DNAAF9: variants seen among roughly 807,000 people sequenced by gnomAD.
The protein encoded by DNAAF9 is dynein axonemal assembly factor 9, also known as shulin.
Under a neutral mutation model 167.0 loss-of-function variants are expected in DNAAF9, and 90 were observed. The ratio of observed to expected loss-of-function variants is 0.54; its 90% CI spans 0.45 to 0.64. The LOEUF (loss-of-function observed/expected upper bound fraction) is 0.64. Among genes scored for constraint, DNAAF9 ranks in the 30% least tolerant of loss-of-function variants. DNAAF9 has a pLI of 0.00. For missense variants in DNAAF9, 1,315 were observed against 1,442.2 expected (o/e 0.91, Z 1.43); for synonymous variants, 491 against 508.8 (o/e 0.96, Z 0.47).
chr20:3,272,804 A>T (rs575271998), intron 29 of DNAAF9, among the ~76,000 whole-genome samples: 102 of 152,026 alleles, frequency 6.7e-4, no homozygotes, highest in Non-Finnish European at 1.2e-3. Flanking sequence ...ACTAATAGAG[A>T]GTAGTTTAAT....
intron 1 of DNAAF9, among the ~76,000 whole-genome samples, chr20:3,390,563 C>T (rs2083812891): frequency 6.6e-6 from 1 of 152,080 alleles, no homozygotes; most frequent in Non-Finnish European, 1.5e-5. Flanking sequence ...CAGGGTTTCA[C>T]CATGTTGGCC....
chr20:3,402,592 T>TC (rs2084003155), intron 1 of DNAAF9, among the ~76,000 whole-genome samples: 2 of 151,900 alleles, frequency 1.3e-5, no homozygotes, highest in Admixed American at 1.3e-4. Flanking sequence ...TTTTTTTTTT[T>TC]CTTGACACAG....
chr20:3,400,090 A>G (rs1208948373), intron 1 of DNAAF9, among the ~76,000 whole-genome samples: 1 of 152,202 alleles, frequency 6.6e-6, no homozygotes, highest in Non-Finnish European at 1.5e-5. Context: ...TGTATACAAC[A>G]CTTTATTTTC....
At chr20:3,280,287 A>C (rs2068743272) in intron 28 of DNAAF9, among the ~76,000 whole-genome samples, 1 of 152,134 alleles carries the variant, frequency 6.6e-6, no homozygotes, top group Non-Finnish European at 1.5e-5. Context: ...GTTTTACTTA[A>C]AAAAATTTAA....
At chr20:3,396,826 G>C (rs1444140161) in intron 1 of DNAAF9, among the ~76,000 whole-genome samples, 1 of 152,124 alleles carries the variant, frequency 6.6e-6, no homozygotes, top group Non-Finnish European at 1.5e-5. Flanking sequence ...GATTATTTCA[G>C]CTTTTACTTG....
chr20:3,252,546 G>A lies in DNAAF9; in HGVS notation c.*26C>T, dbSNP rs761879009. 3 of 1,241,970 alleles carry A rather than the reference G, an allele frequency of 2.4e-6. No individual in the cohort carries two copies. Among genetic ancestry groups the A allele is most frequent in the East Asian group, 2.3e-5 (1 of 43,232 alleles). 76.9% of individuals were successfully genotyped at this position (1,241,970 alleles called of 1,614,324 possible). On this transcript the variant is annotated 3_prime_UTR_variant, in exon 37 of 37. Coordinates refer to ENST00000252032, the MANE Select transcript of DNAAF9 (RefSeq NM_001009984.3). The stretch of plus-strand genomic sequence containing the variant: ...CGTCCATCTCCAAGGTGGACATTCT[G>A]CAGGACGTACGGGCCCAGCCTTCCT...
intron 31 of DNAAF9, among the ~76,000 whole-genome samples, chr20:3,263,298 G>T (rs1210798088): frequency 6.6e-6 from 1 of 152,178 alleles, no homozygotes; most frequent in African/African-American, 2.4e-5. Context: ...TACGAAAAAA[G>T]TTGGTGGTGT....
At chr20:3,310,317 A>AAAG (rs143795030) in intron 20 of DNAAF9, among the ~76,000 whole-genome samples, 27,219 of 131,710 alleles carry the variant, frequency 0.21, 2,995 homozygotes, top group African/African-American at 0.29. Flanking sequence ...GGAAAGAAAG[A>AAAG]AAGGAAAGAG....
chr20:3,253,741 T>G lies in DNAAF9; in HGVS notation c.3406A>C (p.Thr1136Pro), dbSNP rs2122719774. 3 of 1,607,788 alleles carry G rather than the reference T, an allele frequency of 1.9e-6. No individual in the cohort carries two copies. Among genetic ancestry groups the G allele is most frequent in the Non-Finnish European group, 2.6e-6 (3 of 1,174,264 alleles). The change falls in exon 36 of 37, where the codon ACT becomes CCT. Residue 1136 changes from threonine (T) to proline (P), a missense_variant. Transcript: ENST00000252032. Reference sequence around the variant, plus strand: ...CCAAGGATACGTGGGTGAAAATCAGTTTTGTCACCAAAGAAGTTAACAAAT... The same window carrying G: ...CCAAGGATACGTGGGTGAAAATCAGGTTTGTCACCAAAGAAGTTAACAAAT... ...TQFVNFFGDK[T>P]DFHPLMDQFM...
At chr20:3,400,289 A>G (rs1240251033) in intron 1 of DNAAF9, among the ~76,000 whole-genome samples, 1 of 152,208 alleles carries the variant, frequency 6.6e-6, no homozygotes, top group Non-Finnish European at 1.5e-5. Flanking sequence ...ACAGAAAAAG[A>G]ATGTGTGGAG....
chr20:3,356,270 G>C (rs748836882), intron 7 of DNAAF9, among the ~76,000 whole-genome samples: 1 of 151,980 alleles, frequency 6.6e-6, no homozygotes, highest in Admixed American at 6.6e-5. Context: ...CACCTGCCTC[G>C]GCCTCCCAAA....
At chr20:3,371,469 G>A (rs566613948) in intron 6 of DNAAF9, among the ~76,000 whole-genome samples, 10 of 148,320 alleles carry the variant, frequency 6.7e-5, no homozygotes, top group Non-Finnish European at 1.0e-4. Flanking sequence ...TCAGCCTCCC[G>A]AGTAGCTGGG....
intron 12 of DNAAF9, among the ~76,000 whole-genome samples, chr20:3,327,664 A>T (rs535258471): frequency 6.6e-6 from 1 of 152,220 alleles, no homozygotes; most frequent in Admixed American, 6.5e-5. Context: ...ATCTTATAGA[A>T]GAAGCAATAA....
intron 20 of DNAAF9, among the ~76,000 whole-genome samples, chr20:3,310,208 T>C (rs2123011720): frequency 9.7e-6 from 1 of 102,988 alleles, no homozygotes; most frequent in East Asian, 2.6e-4. Flanking sequence ...AAAAGAAAGA[T>C]GAACAAACGA....
rs764936115 is a variant in DNAAF9, at chr20:3,294,214, A to C, written c.2163T>G (p.Pro721=). 9.3e-6 allele frequency: 15 copies of C among 1,613,136 alleles called. No individual in the cohort carries two copies. In the African/African-American group the frequency reaches 1.7e-4, roughly 19 times the overall value. Residue 721 remains proline, a synonymous_variant, in exon 25 of 37, where the codon CCT becomes CCG. Transcript: ENST00000252032. ...GCACAGGAAGATGGGTCCGCATCAC[A>C]GGCTCCTGGCTAATGCTGCTGATGG... ...HFAISSISQE[P]VMRTHLPVLL... is the part of the protein sequence containing the mutation.
At chr20:3,273,890 G>A (rs1335629435) in intron 29 of DNAAF9, among the ~76,000 whole-genome samples, 1 of 152,126 alleles carries the variant, frequency 6.6e-6, no homozygotes, top group Non-Finnish European at 1.5e-5. Context: ...ATATACAAAA[G>A]TGTTGAGTAT....
chr20:3,370,145 A>G (rs1244578867), intron 6 of DNAAF9, among the ~76,000 whole-genome samples: 1 of 152,204 alleles, frequency 6.6e-6, no homozygotes, highest in Non-Finnish European at 1.5e-5. Flanking sequence ...CCATCCCCTT[A>G]TATTCTACAT....
intron 25 of DNAAF9, among the ~76,000 whole-genome samples, chr20:3,290,787 C>CTT (rs548143543): frequency 5.2e-5 from 7 of 135,316 alleles, no homozygotes; most frequent in East Asian, 2.2e-4. Flanking sequence ...AGGGCTAAGT[C>CTT]TTTTTTTTTT....
At chr20:3,367,634 G>A (rs896202310) in intron 6 of DNAAF9, among the ~76,000 whole-genome samples, 1 of 152,028 alleles carries the variant, frequency 6.6e-6, no homozygotes, top group Non-Finnish European at 1.5e-5. Flanking sequence ...AGCAAAAAAC[G>A]AGGGAACAGC....
Sources: allele counts gnomAD v4.1 joint callset (sites outside exome capture counted in the v4.1 genomes callset), GRCh38; gene constraint gnomAD v4.1.1; transcripts MANE v1.5; gene names NCBI Gene and HGNC (gene_info 2026-07-23, HGNC 2026-07-21).